RIMKLB: variants seen among roughly 807,000 people sequenced by gnomAD.
RIMKLB encodes the protein ribosomal modification protein rimK like family member B.
A neutral mutation model predicts 32.0 loss-of-function variants in RIMKLB; 7 were observed. The ratio of observed to expected loss-of-function variants is 0.22; its 90% CI spans 0.12 to 0.41. RIMKLB has a LOEUF of 0.41. Ranked by LOEUF, RIMKLB falls within the 10% of genes least tolerant of loss-of-function variation. The pLI is 1.00. For synonymous variants in RIMKLB, 172 were observed against 185.1 expected (o/e 0.93, Z 0.57); for missense variants, 289 against 498.7 (o/e 0.58, Z 4.00).
chr12:8,698,708 C>T (rs1943093088), intron 1 of RIMKLB, among the ~76,000 whole-genome samples: 1 of 113,344 alleles, frequency 8.8e-6, no homozygotes, highest in South Asian at 2.4e-4. Flanking sequence ...CACTCCCCCT[C>T]CCCCCCCTTC....
At chr12:8,778,388 A>G (rs756264555), downstream of RIMKLB, among the ~76,000 whole-genome samples, 1 of 152,200 alleles carries the variant, frequency 6.6e-6, no homozygotes, top group Non-Finnish European at 1.5e-5. Flanking sequence ...TTTAGGAGCA[A>G]TGTGATTTCA....
intron 2 of RIMKLB, among the ~76,000 whole-genome samples, chr12:8,741,500 G>A (rs1947522887): frequency 1.3e-5 from 2 of 151,806 alleles, no homozygotes; most frequent in Non-Finnish European, 2.9e-5. Context: ...AACTGTTGGG[G>A]CTGGGTGCGG....
chr12:8,768,751 T>C (rs1014577246), intron 5 of RIMKLB, among the ~76,000 whole-genome samples: 1 of 152,178 alleles, frequency 6.6e-6, no homozygotes, highest in African/African-American at 2.4e-5. Flanking sequence ...TTGCCACTTC[T>C]GGGGGCGGTT....
downstream of RIMKLB, chr12:8,780,479 G>A (rs1373883598): frequency 6.6e-6 from 1 of 152,116 alleles, no homozygotes; most frequent in African/African-American, 2.4e-5. Flanking sequence ...AAAAGTTGGT[G>A]TATGTGCAAA....
At chr12:8,769,492 T>C (rs1191755607) in intron 5 of RIMKLB, among the ~76,000 whole-genome samples, 3 of 152,188 alleles carry the variant, frequency 2.0e-5, no homozygotes, top group African/African-American at 7.2e-5. Context: ...GAAGATTTGG[T>C]CCATTTTTTG....
chr12:8,695,590 CTT>C (rs1163487186), upstream of RIMKLB, among the ~76,000 whole-genome samples: 1 of 151,470 alleles, frequency 6.6e-6, no homozygotes, highest in African/African-American at 2.4e-5. Context: ...CCCTCCTGAG[CTT>C]TGTTTTACTC....
chr12:8,697,018 G>A (rs1213042653), upstream of RIMKLB, among the ~76,000 whole-genome samples: 2 of 151,900 alleles, frequency 1.3e-5, no homozygotes, highest in Non-Finnish European at 2.9e-5. Flanking sequence ...CATATTCTTA[G>A]CCTCCTTTGG....
chr12:8,708,921 T>C (rs1944131348), intron 1 of RIMKLB, among the ~76,000 whole-genome samples: 1 of 152,222 alleles, frequency 6.6e-6, no homozygotes, highest in African/African-American at 2.4e-5. Context: ...AAGGTACTTT[T>C]GTCAGTAGTA....
At chr12:8,705,927 G>A (rs1943835748) in intron 1 of RIMKLB, among the ~76,000 whole-genome samples, 2 of 152,112 alleles carry the variant, frequency 1.3e-5, no homozygotes, top group Admixed American at 1.3e-4. Context: ...CTGATTGGAT[G>A]AAGCCCCTCC....
intron 2 of RIMKLB, among the ~76,000 whole-genome samples, chr12:8,729,842 A>G (rs1244681136): frequency 6.6e-6 from 1 of 152,100 alleles, no homozygotes; most frequent in Non-Finnish European, 1.5e-5. Flanking sequence ...AAGGGTTTCA[A>G]CTTTCCACAT....
In RIMKLB at chr12:8,773,725, G is replaced by C. The variant is rs1950573808; in HGVS notation, c.1102G>C (p.Gly368Arg). Residue 368 changes from glycine (G) to arginine (R), a missense_variant, in exon 6 of 6, where the codon GGG becomes CGG. Transcript: ENST00000535829. ...TERELLTKLP[G>R]GLFNMNQLLA... is the part of the protein sequence containing the mutation. ...GCGAGAGCTGCTCACCAAGCTCCCA[G>C]GGGGCCTGTTCAACATGAACCAGCT... The C allele has an allele frequency of 6.2e-7, 1 of 1,614,126 alleles. No homozygotes were observed. Among genetic ancestry groups the C allele is most frequent in the Non-Finnish European group, 8.5e-7 (1 of 1,180,050 alleles).
intron 1 of RIMKLB, among the ~76,000 whole-genome samples, chr12:8,705,102 T>G (rs1247990348): frequency 6.6e-6 from 1 of 151,944 alleles, no homozygotes; most frequent in East Asian, 1.9e-4. Flanking sequence ...TATAATGTGT[T>G]TAGAAAATTG....
At chr12:8,695,358 C>T (rs1942856548), upstream of RIMKLB, among the ~76,000 whole-genome samples, 1 of 152,178 alleles carries the variant, frequency 6.6e-6, no homozygotes, top group African/African-American at 2.4e-5. Context: ...GCCGCCTAAA[C>T]ATATCAACCA....
At chr12:8,694,690 G>A (rs1322371745), upstream of RIMKLB, among the ~76,000 whole-genome samples, 4 of 152,060 alleles carry the variant, frequency 2.6e-5, no homozygotes, top group Non-Finnish European at 4.4e-5. Flanking sequence ...CACCCTGCCC[G>A]GTCCCTCCTG....
intron 1 of RIMKLB, among the ~76,000 whole-genome samples, chr12:8,682,588 C>A (rs1942440104): frequency 6.6e-6 from 1 of 151,688 alleles, no homozygotes; most frequent in Non-Finnish European, 1.5e-5. Context: ...CTGGCTAACA[C>A]GGTGAAACCC....
In RIMKLB at chr12:8,775,488, C is replaced by T; in HGVS notation, c.*1704C>T. On this transcript the variant is annotated 3_prime_UTR_variant, in exon 6 of 6. Coordinates refer to ENST00000535829, the MANE Select transcript of RIMKLB (RefSeq NM_001297776.2). The stretch of plus-strand genomic sequence containing the variant: ...CAAGTTTTCCATCTCCCTACGAATC[C>T]TCTGAAGCTTTTACCCAAGCCCTTT... 1.0e-6 allele frequency: 1 copy of T among 985,810 alleles called. No homozygotes were observed. Among genetic ancestry groups the T allele is most frequent in the Non-Finnish European group, 1.2e-6 (1 of 829,900 alleles). The allele number at this position is 985,810 out of a possible 1,614,324, so 61.1% of individuals were successfully genotyped here. A position where few individuals can be genotyped will look rare whatever the true frequency, so the allele number is the denominator to read the frequency against.
intron 1 of RIMKLB, among the ~76,000 whole-genome samples, chr12:8,682,641 G>A (rs973860741): frequency 2.0e-4 from 31 of 151,712 alleles, no homozygotes; most frequent in Non-Finnish European, 5.9e-5. Flanking sequence ...GCGTGGTGGC[G>A]GGCGCCTGTA....
intron 2 of RIMKLB, among the ~76,000 whole-genome samples, chr12:8,720,722 T>C (rs750187510): frequency 6.6e-6 from 1 of 152,122 alleles, no homozygotes; most frequent in Non-Finnish European, 1.5e-5. Context: ...GCATTTTTGG[T>C]AGAGATGGGG....
In RIMKLB at chr12:8,690,525, T is replaced by G. The variant is rs1484081786; in HGVS notation, n.219+8707T>G. 3.3e-5 allele frequency among the ~76,000 whole-genome samples: 5 copies of G among 152,242 alleles called. No homozygotes were observed. The East Asian group carries it at 5.8e-4, about 18-fold the overall frequency. ...GTTTGACAAAGCAGTTAAGAGCATG[T>G]ACTTTGCTACTCGGATTCAAATCTT... On this transcript the variant is annotated intron_variant and non_coding_transcript_variant, in intron 1 of 1. Coordinates refer to the RIMKLB transcript ENST00000538758.
Sources: allele counts gnomAD v4.1 joint callset (sites outside exome capture counted in the v4.1 genomes callset), GRCh38; gene constraint gnomAD v4.1.1; transcripts MANE v1.5; gene names NCBI Gene and HGNC (gene_info 2026-07-23, HGNC 2026-07-21).